AIMP1: variants seen among roughly 807,000 people sequenced by gnomAD.
AIMP1 encodes aminoacyl tRNA synthase complex-interacting multifunctional protein 1.
In AIMP1, 24 loss-of-function variants were observed where a neutral mutation model predicts 33.1. The observed-to-expected ratio is 0.73, with a 90% CI of 0.53 to 1.02. AIMP1 has a LOEUF of 1.02. Among genes scored for constraint, AIMP1 ranks in the 50% least tolerant of loss-of-function variants. The pLI, the probability that AIMP1 is intolerant of heterozygous loss-of-function variation, is 0.00. For synonymous variants in AIMP1, 120 were observed against 121.5 expected (o/e 0.99, Z 0.08); for missense variants, 367 against 364.8 (o/e 1.01, Z -0.05).
At chr4:106,330,640 A>T (rs73839432) in intron 4 of AIMP1, among the ~76,000 whole-genome samples, 2,757 of 152,268 alleles carry the variant, frequency 0.018, 77 homozygotes, top group African/African-American at 0.061. Context: ...TTCATTATAC[A>T]TATACATGTC....
chr4:106,321,776 G>C (rs1769263909), intron 1 of AIMP1, among the ~76,000 whole-genome samples: 1 of 152,038 alleles, frequency 6.6e-6, no homozygotes, highest in Admixed American at 6.5e-5. Flanking sequence ...GTGGGGAAAA[G>C]AAAGAGAGAT....
Position 106,347,624 on chromosome 4 carries a change from G to C in AIMP1, c.871G>C (p.Val291Leu), listed in dbSNP as rs1770353277. ...NDECVATYKG[V>L]PFEVKGKGVC... ...TGAGTGTGTGGCTACATACAAAGGA[G>C]TTCCCTTTGAGGTGAAAGGGAAGGG... The change falls in exon 7 of 7, where the codon GTT becomes CTT. Residue 291 changes from valine to leucine, a missense_variant. Val to Leu is a conservative substitution (Grantham distance 32). Coordinates refer to ENST00000672341, the MANE Select transcript of AIMP1 (RefSeq NM_001142416.2). The C allele has an allele frequency of 6.2e-7, 1 of 1,613,184 alleles. No homozygotes were observed. The highest frequency in any genetic ancestry group is 1.3e-5 in the African/African-American group (1 of 74,856).
rs181426052 is a variant in AIMP1 at position 106,322,107 on chromosome 4, C to T, written c.-25-2878C>T. 1.2e-4 allele frequency among the ~76,000 whole-genome samples: 19 copies of T among 152,196 alleles called. No individual in the cohort carries two copies. The East Asian group carries it at 3.5e-3, about 28-fold the overall frequency. On this transcript the variant is annotated intron_variant, in intron 1 of 6. Coordinates refer to ENST00000672341, the MANE Select transcript of AIMP1 (RefSeq NM_001142416.2). ...AGGCAGCATGCTCCTTAAGAGTTAT[C>T]ACCACTCCCTAATCTCAAGTACCCA...
intron 1 of AIMP1, 155 bp downstream of exon 1, chr4:106,316,749 GGAAA>G (rs747304981): frequency 2.0e-5 from 13 of 642,448 alleles, no homozygotes; most frequent in Non-Finnish European, 2.6e-5. Flanking sequence ...TAAGGAAACA[GGAAA>G]GAGTTTGAGA....
intron 4 of AIMP1, among the ~76,000 whole-genome samples, chr4:106,329,855 G>A (rs182054690): frequency 8.0e-5 from 11 of 136,942 alleles, no homozygotes; most frequent in African/African-American, 1.6e-4. Context: ...GCATAATCTC[G>A]GCTCACTGCA....
rs182257764 is a variant in AIMP1, at chr4:106,317,777, T to G, written c.-26+1183T>G. Among the ~76,000 whole-genome samples, 87 of 152,322 alleles carry G rather than the reference T, an allele frequency of 5.7e-4. 2 individuals carry two copies. The highest frequency in any genetic ancestry group is 1.6e-3 in the Admixed American group (24 of 15,298). On this transcript the variant is annotated intron_variant, in intron 1 of 6. Transcript: ENST00000672341. Reference sequence around the variant, plus strand: ...GAAGGGATTCAGATAAGTCATGTAATTTTCCTGGATCTGTCTATAAAATGG... The same window carrying G: ...GAAGGGATTCAGATAAGTCATGTAAGTTTCCTGGATCTGTCTATAAAATGG...
intron 4 of AIMP1, among the ~76,000 whole-genome samples, chr4:106,328,546 A>G (rs1031501111): frequency 6.6e-6 from 1 of 152,198 alleles, no homozygotes; most frequent in Non-Finnish European, 1.5e-5. Context: ...TTTGGTATCT[A>G]TTTGTGGTAT....
intron 1 of AIMP1, among the ~76,000 whole-genome samples, chr4:106,322,297 T>TAA (rs11432155): frequency 6.2e-5 from 9 of 145,702 alleles, no homozygotes; most frequent in Admixed American, 2.1e-4. Flanking sequence ...TAAAAAAAAT[T>TAA]AAAAAAAAAA....
intron 1 of AIMP1, among the ~76,000 whole-genome samples, chr4:106,318,160 A>C (rs1769054993): frequency 6.6e-6 from 1 of 152,204 alleles, no homozygotes; most frequent in African/African-American, 2.4e-5. Context: ...TTCCATAAAA[A>C]AGCAATTTTA....
At chr4:106,346,529 A>G (rs1489446414) in intron 6 of AIMP1, among the ~76,000 whole-genome samples, 3 of 152,162 alleles carry the variant, frequency 2.0e-5, no homozygotes, top group Non-Finnish European at 2.9e-5. Flanking sequence ...GTGCTTAGAA[A>G]ATACTAGTCC....
At chr4:106,347,429 T>G in intron 6 of AIMP1, 97 bp from the exon 7 acceptor site, 1 of 1,199,432 alleles carries the variant, frequency 8.3e-7, no homozygotes, top group Non-Finnish European at 1.1e-6. Context: ...CAGAAAATGT[T>G]GCCAAAACAA....
At chr4:106,344,662 A>G (rs1224098993) in intron 6 of AIMP1, among the ~76,000 whole-genome samples, 2 of 152,246 alleles carry the variant, frequency 1.3e-5, no homozygotes, top group East Asian at 3.9e-4. Context: ...AACTATTCAG[A>G]AGCTTTTCAT....
At chr4:106,338,200 A>G (rs1191437591) in intron 6 of AIMP1, among the ~76,000 whole-genome samples, 1 of 152,256 alleles carries the variant, frequency 6.6e-6, no homozygotes, top group Non-Finnish European at 1.5e-5. Context: ...AAGATGCAGT[A>G]GAAAAGAAAA....
chr4:106,339,757 T>A (rs1561031454), intron 6 of AIMP1, among the ~76,000 whole-genome samples: 1 of 152,220 alleles, frequency 6.6e-6, no homozygotes, highest in African/African-American at 2.4e-5. Context: ...GATTGTCTCA[T>A]GCTGCAGCAC....
intron 2 of AIMP1, among the ~76,000 whole-genome samples, chr4:106,326,055 C>A (rs1036966167): frequency 1.3e-5 from 2 of 151,890 alleles, no homozygotes; most frequent in Non-Finnish European, 2.9e-5. Context: ...AGTCAGACTG[C>A]CTTTGTGTAG....
chr4:106,319,862 G>A (rs560307648), intron 1 of AIMP1, among the ~76,000 whole-genome samples: 5 of 152,228 alleles, frequency 3.3e-5, no homozygotes, highest in South Asian at 2.1e-4. Flanking sequence ...AAAATGCTTC[G>A]TAATTATATC....
At chr4:106,317,645 T>C (rs1769013101) in intron 1 of AIMP1, among the ~76,000 whole-genome samples, 1 of 152,144 alleles carries the variant, frequency 6.6e-6, no homozygotes, top group Admixed American at 6.5e-5. Flanking sequence ...GATGACAGGG[T>C]TAATTTTATT....
At chr4:106,337,995 G>A (rs1769955103) in intron 6 of AIMP1, among the ~76,000 whole-genome samples, 1 of 152,206 alleles carries the variant, frequency 6.6e-6, no homozygotes, top group African/African-American at 2.4e-5. Context: ...TTTCCCTAGA[G>A]ATCTATGGAA....
chr4:106,343,465 A>C (rs1770178501), intron 6 of AIMP1, among the ~76,000 whole-genome samples: 1 of 152,076 alleles, frequency 6.6e-6, no homozygotes, highest in Non-Finnish European at 1.5e-5. Context: ...ACTCATTTCT[A>C]CTCTCCTAAT....
Sources: gnomAD v4.1 joint callset for allele counts (sites outside exome capture counted in the v4.1 genomes callset) on GRCh38, gnomAD v4.1.1 for gene constraint, MANE v1.5 for transcripts, NCBI Gene and HGNC (gene_info 2026-07-23, HGNC 2026-07-21) for gene names.